The following TPSG1 variants were observed in gnomAD, a reference collection of about 807,000 sequenced individuals.
TPSG1 encodes tryptase gamma.
TPSG1 carries 43 observed loss-of-function variants against 23.8 expected under a neutral mutation model. The observed-to-expected ratio is 1.81, with a 90% CI of 1.42 to 2.33. The LOEUF is 2.33. Ranked by LOEUF, TPSG1 falls within the 30% of genes most tolerant of loss-of-function variation. TPSG1 has a pLI of 0.00. For synonymous variants in TPSG1, 302 were observed against 201.3 expected (o/e 1.50, Z -4.23); for missense variants, 623 against 438.6 (o/e 1.42, Z -3.75).
rs746025826 is a variant in TPSG1, at chr16:1,222,215, C to T, written c.638G>A (p.Gly213Asp). ...ILQPDMLCAR[G>D]PGDACQDDSG... ...GCTCACCTGGCAGGCATCCCCGGGG[C>T]CCCGGGCACACAGCATGTCGGGCTG... is the stretch of plus-strand genomic sequence containing the variant. The change falls in exon 5 of 6, where the codon GGC (glycine) becomes GAC (aspartate). Residue 213 changes from glycine (G) to aspartate (D), a missense_variant. Coordinates refer to ENST00000234798, the MANE Select transcript of TPSG1 (RefSeq NM_012467.4). 2 of 1,611,396 alleles carry T rather than the reference C, an allele frequency of 1.2e-6. No homozygotes were observed. Among genetic ancestry groups the T allele is most frequent in the Non-Finnish European group, 1.7e-6 (2 of 1,179,758 alleles).
In TPSG1 at chr16:1,222,765, A is replaced by T. The variant is rs1265556657; in HGVS notation, c.398T>A (p.Val133Asp). The stretch of plus-strand genomic sequence containing the variant: ...GATCCGGCTGGAGAGGGTCACGGGG[A>T]CACTGAGCTCCACCAGGGCGATGTC... ...SGDIALVELS[V>D]PVTLSSRILP... The change falls in exon 4 of 6, where the codon GTC becomes GAC. Residue 133 changes from valine (V) to aspartate (D), a missense_variant. Val to Asp is a radical substitution (Grantham distance 152). Coordinates refer to ENST00000234798, the MANE Select transcript of TPSG1 (RefSeq NM_012467.4). 6.2e-7 allele frequency: 1 copy of T among 1,612,078 alleles called. No individual in the cohort carries two copies. The highest frequency in any genetic ancestry group is 8.5e-7 in the Non-Finnish European group (1 of 1,179,706).
chr16:1,223,380 G>A, intron 3 of TPSG1, 43 bp downstream of exon 3: 2 of 1,531,066 alleles, frequency 1.3e-6, no homozygotes, highest in Non-Finnish European at 1.8e-6. Flanking sequence ...TGCCCCACTG[G>A]GGCCTGGACA....
In TPSG1 at chr16:1,222,395, G is replaced by C. The variant is rs1030022751; in HGVS notation, c.512-54C>G. Reference sequence around the variant, plus strand: ...AGGTTGGGGCACCAGGCCCTGCACTGGGGGGATGGGAGACCTTGCCAGACA... The same window carrying C: ...AGGTTGGGGCACCAGGCCCTGCACTCGGGGGATGGGAGACCTTGCCAGACA... On this transcript the variant is annotated intron_variant, in intron 4 of 5. Coordinates refer to ENST00000234798, the MANE Select transcript of TPSG1 (RefSeq NM_012467.4). 3.8e-5 allele frequency: 56 copies of C among 1,459,604 alleles called. No homozygotes were observed. In the African/African-American group the frequency reaches 7.0e-4, roughly 18 times the overall value. The allele number at this position is 1,459,604 out of a possible 1,614,324, so 90.4% of individuals were successfully genotyped here.
Position 1,222,834 on chromosome 16 carries a change from A to T in TPSG1, c.329T>A (p.Ile110Asn). 1.2e-6 allele frequency: 2 copies of T among 1,611,734 alleles called. No individual in the cohort carries two copies. Residue 110 changes from isoleucine to asparagine, a missense_variant, in exon 4 of 6, where the codon ATC becomes AAC. Transcript: ENST00000234798. ...LSPHFSTVRQ[I>N]ILHSSPSGQP... Reference sequence around the variant, plus strand: ...TCCTGAGGGGCTGGAGTGCAGGATGATCTGCCTCACGGTGGAGAAGTGGGG... The same window carrying T: ...TCCTGAGGGGCTGGAGTGCAGGATGTTCTGCCTCACGGTGGAGAAGTGGGG...
At position 1,221,817 on chromosome 16, in the gene TPSG1, C is replaced by G; in HGVS notation, c.937G>C (p.Asp313His). 1 of 1,610,052 alleles carries G rather than the reference C, an allele frequency of 6.2e-7. No individual in the cohort carries two copies. Among genetic ancestry groups the G allele is most frequent in the Non-Finnish European group, 8.5e-7 (1 of 1,178,184 alleles). ...LAKCLLHPSA[D>H]GTPFPAPD ...TCAGGGGCGGGGAAGGGAGTACCAT[C>G]CGCAGATGGGTGCAGCAGGCACTTG... The change falls in exon 6 of 6, where the codon GAT becomes CAT. Residue 313 changes from aspartate (D) to histidine (H), a missense_variant. Coordinates refer to ENST00000234798, the MANE Select transcript of TPSG1 (RefSeq NM_012467.4).
intron 1 of TPSG1, 118 bp downstream of exon 1, chr16:1,225,089 C>A: frequency 3.0e-6 from 4 of 1,333,794 alleles, no homozygotes; most frequent in Non-Finnish European, 4.1e-6. Flanking sequence ...CGGGGCCCCA[C>A]AGGGTGGGGA....
At position 1,222,886 on chromosome 16, in the gene TPSG1, G is replaced by T. The variant is rs777160852; in HGVS notation, c.277C>A (p.Leu93Met). The T allele has an allele frequency of 1.9e-6, 3 of 1,608,852 alleles. No homozygotes were observed. Among genetic ancestry groups the T allele is most frequent in the Non-Finnish European group, 2.5e-6 (3 of 1,178,322 alleles). ...SLNSSDYQVHLGELEITLSPH... is the reference protein window; with the variant it reads ...SLNSSDYQVHMGELEITLSPH... ...GACAGAGTGATCTCCAGTTCCCCCA[G>T]GTGCACCTGGTAGTCGGATGAGTTC... is the stretch of plus-strand genomic sequence containing the variant. The change falls in exon 4 of 6, where the codon CTG (leucine) becomes ATG (methionine). Residue 93 changes from leucine (L) to methionine (M), a missense_variant. Transcript: ENST00000234798.
chr16:1,223,559 G>T lies in TPSG1; in HGVS notation c.109C>A (p.Arg37=), dbSNP rs374348998. Residue 37 remains arginine, a synonymous_variant, in exon 3 of 6, where the codon CGG becomes AGG. Coordinates refer to ENST00000234798, the MANE Select transcript of TPSG1 (RefSeq NM_012467.4). ...GGGGCAGCGTGACCCCCCACGATCC[G>T]GCCGCCTGCATCCGAAACCTGCGGC... The part of the protein sequence containing the change: ...GRPQVSDAGG[R]IVGGHAAPAG... The T allele has an allele frequency of 1.3e-6, 2 of 1,544,930 alleles. No individual in the cohort carries two copies. The highest frequency in any genetic ancestry group is 1.7e-6 in the Non-Finnish European group (2 of 1,147,504).
chr16:1,222,725 G>C lies in TPSG1; in HGVS notation c.438C>G (p.Leu146=), dbSNP rs928576688. 1.9e-6 allele frequency: 3 copies of C among 1,610,382 alleles called. No homozygotes were observed. The African/African-American group carries it at 4.0e-5, about 22-fold the overall frequency. Residue 146 remains leucine, a synonymous_variant, in exon 4 of 6, where the codon CTC becomes CTG. Coordinates refer to ENST00000234798, the MANE Select transcript of TPSG1 (RefSeq NM_012467.4). ...GGCAGAAGTCATCTGAGGCCTCCGG[G>C]AGGCAGACGGGCAGGATCCGGCTGG... ...TLSSRILPVC[L]PEASDDFCPG... is the part of the protein sequence containing the mutation.
At chr16:1,224,522 G>A (rs1278816312) in intron 2 of TPSG1, 80 bp downstream of exon 2, 6 of 1,585,578 alleles carry the variant, frequency 3.8e-6, no homozygotes, top group Non-Finnish European at 5.2e-6. Flanking sequence ...GGGACCCCAG[G>A]GAAGGAGAGG....
At chr16:1,223,277 C>A in intron 3 of TPSG1, 146 bp downstream of exon 3, 1 of 1,130,760 alleles carries the variant, frequency 8.8e-7, no homozygotes, top group Non-Finnish European at 1.2e-6. Flanking sequence ...AGGTGGGCAA[C>A]CAGCTCCTCC....
At chr16:1,223,002 G>C in intron 3 of TPSG1, 85 bp from the exon 4 acceptor site, 1 of 1,433,544 alleles carries the variant, frequency 7.0e-7, no homozygotes, top group Non-Finnish European at 9.3e-7. Context: ...TACCCTTGCA[G>C]GCATCCGAAG....
rs1174957711 is a variant in TPSG1 at position 1,222,850 on chromosome 16, A to G, written c.313T>C (p.Ser105Pro). Residue 105 changes from serine to proline, a missense_variant, in exon 4 of 6, where the codon TCC (serine) becomes CCC (proline). By Grantham distance (74) the Ser-to-Pro change is moderately conservative. Coordinates refer to ENST00000234798, the MANE Select transcript of TPSG1 (RefSeq NM_012467.4). The stretch of plus-strand genomic sequence containing the variant: ...TGCAGGATGATCTGCCTCACGGTGG[A>G]GAAGTGGGGAGACAGAGTGATCTCC... ...ELEITLSPHF[S>P]TVRQIILHSS... The G allele has an allele frequency of 1.2e-6, 2 of 1,610,936 alleles. No individual in the cohort carries two copies. The highest frequency in any genetic ancestry group is 1.7e-6 in the Non-Finnish European group (2 of 1,179,324).
At chr16:1,224,260 G>T (rs1317608890) in intron 2 of TPSG1, 2 of 302,666 alleles carry the variant, frequency 6.6e-6, no homozygotes. Context: ...GGCAGCGGGT[G>T]TGGGGTGGGG....
Position 1,223,497 on chromosome 16 carries a change from C to G in TPSG1, c.171G>C (p.Leu57=). 6.4e-7 allele frequency: 1 copy of G among 1,573,032 alleles called. No individual in the cohort carries two copies. The highest frequency in any genetic ancestry group is 8.6e-7 in the Non-Finnish European group (1 of 1,162,004). ...GAWPWQASLR[L]RRVHVCGGSL... ...ACCCGCCGCACACGTGCACCCTCCG[C>G]AGGCGGAGGCTGGCCTGCCATGGCC... The change falls in exon 3 of 6, where the codon CTG becomes CTC. Residue 57 remains leucine, a synonymous_variant. Coordinates refer to ENST00000234798, the MANE Select transcript of TPSG1 (RefSeq NM_012467.4).
intron 1 of TPSG1, 127 bp from the exon 2 acceptor site, chr16:1,224,755 G>A (rs901108321): frequency 3.1e-5 from 36 of 1,160,510 alleles, no homozygotes; most frequent in African/African-American, 1.4e-4. Context: ...AGAGGGGCCC[G>A]GCCTGGTGAG....
At position 1,222,739 on chromosome 16, in the gene TPSG1, G is replaced by A. The variant is rs1970556621; in HGVS notation, c.424C>T (p.Leu142=). 2 of 1,611,524 alleles carry A rather than the reference G, an allele frequency of 1.2e-6. No individual in the cohort carries two copies. Among genetic ancestry groups the A allele is most frequent in the Non-Finnish European group, 1.7e-6 (2 of 1,179,046 alleles). The part of the protein sequence containing the change: ...SVPVTLSSRI[L]PVCLPEASDD... ...GAGGCCTCCGGGAGGCAGACGGGCA[G>A]GATCCGGCTGGAGAGGGTCACGGGG... The change falls in exon 4 of 6, where the codon CTG becomes TTG. Residue 142 remains leucine (L), a synonymous_variant. Transcript: ENST00000234798.
chr16:1,223,307 AG>A (rs2029932011), intron 3 of TPSG1, 115 bp downstream of exon 3: 19 of 1,295,462 alleles, frequency 1.5e-5, no homozygotes, highest in Non-Finnish European at 1.9e-5. Flanking sequence ...GGAAGGAAGT[AG>A]GCTCAGAGTT....
At position 1,222,127 on chromosome 16, in the gene TPSG1, C is replaced by T. The variant is rs374684026; in HGVS notation, c.658-31G>A. 1.7e-5 allele frequency: 27 copies of T among 1,612,278 alleles called. 1 individual carries two copies. The highest frequency in any genetic ancestry group is 1.5e-4 in the African/African-American group (11 of 75,042). ...GACAGAGAAGGCGAGCATTGGGAGC[C>T]GAGAAGATGGGGAGCCCCTCCCTGG... On this transcript the variant is annotated intron_variant, in intron 5 of 5. Coordinates refer to ENST00000234798, the MANE Select transcript of TPSG1 (RefSeq NM_012467.4).
Sources: gnomAD v4.1 joint callset for allele counts on GRCh38, gnomAD v4.1.1 for gene constraint, MANE v1.5 for transcripts, NCBI Gene and HGNC (gene_info 2026-07-23, HGNC 2026-07-21) for gene names.